NRG3: variants seen among roughly 807,000 people sequenced by gnomAD.
The protein encoded by NRG3 is pro-neuregulin-3, membrane-bound isoform.
A neutral mutation model predicts 66.9 loss-of-function variants in NRG3; 31 were observed. That is an observed-to-expected ratio of 0.46 (90% confidence interval 0.35 to 0.63). The LOEUF (loss-of-function observed/expected upper bound fraction) is 0.63. NRG3 is among the 20% of genes least tolerant of loss of function. NRG3 has a pLI of 0.00. For missense variants in NRG3, 910 were observed against 878.9 expected, an observed-to-expected ratio of 1.04 and a Z score of -0.45; for synonymous variants, 393 against 359.4, an observed-to-expected ratio of 1.09 and a Z score of -1.06.
intron 2 of NRG3, among the ~76,000 whole-genome samples, chr10:82,493,638 A>G (rs547316752): frequency 3.3e-5 from 5 of 152,192 alleles, no homozygotes; most frequent in Non-Finnish European, 5.9e-5. Flanking sequence ...TCCTCTAGGT[A>G]TATACCTAGA....
At chr10:82,864,162 GA>G (rs549226653) in intron 3 of NRG3, among the ~76,000 whole-genome samples, 3 of 151,654 alleles carry the variant, frequency 2.0e-5, no homozygotes, top group African/African-American at 7.3e-5. Flanking sequence ...GAAGAATTTG[GA>G]AAAAAGGGGT....
intron 1 of NRG3, among the ~76,000 whole-genome samples, chr10:81,929,926 AC>A (rs1180768931): frequency 2.0e-5 from 3 of 152,076 alleles, no homozygotes; most frequent in Admixed American, 6.5e-5. Context: ...CATAAAAGAA[AC>A]CTCGGTAATC....
chr10:81,983,195 A>G (rs542222349), intron 1 of NRG3, among the ~76,000 whole-genome samples: 1 of 152,232 alleles, frequency 6.6e-6, no homozygotes, highest in Non-Finnish European at 1.5e-5. Context: ...GAAATAAATG[A>G]ACATAGAGTC....
intron 2 of NRG3, among the ~76,000 whole-genome samples, chr10:82,656,308 C>CTTTTT (rs3040205): frequency 1.5e-5 from 2 of 132,036 alleles, no homozygotes; most frequent in African/African-American, 2.8e-5. Flanking sequence ...TTTCTTTTTT[C>CTTTTT]TTTTTTTTTT....
At chr10:82,377,785 C>G (rs2085348146) in intron 2 of NRG3, among the ~76,000 whole-genome samples, 1 of 152,160 alleles carries the variant, frequency 6.6e-6, no homozygotes, top group Non-Finnish European at 1.5e-5. Context: ...CTGCTTTGGG[C>G]TTTTGAGGGT....
intron 2 of NRG3, among the ~76,000 whole-genome samples, chr10:82,406,392 A>G (rs1018321350): frequency 6.6e-6 from 1 of 152,198 alleles, no homozygotes; most frequent in Non-Finnish European, 1.5e-5. Context: ...CAGGTAGGCC[A>G]TTAGACAAAC....
chr10:82,051,357 G>A (rs1223746086), intron 1 of NRG3, among the ~76,000 whole-genome samples: 1 of 152,062 alleles, frequency 6.6e-6, no homozygotes, highest in Non-Finnish European at 1.5e-5. Context: ...GGACCTCCAT[G>A]GGCCTTCACT....
intron 1 of NRG3, among the ~76,000 whole-genome samples, chr10:81,996,477 T>C: frequency 6.6e-6 from 1 of 152,214 alleles, no homozygotes; most frequent in East Asian, 1.9e-4. Flanking sequence ...CAATGCAATA[T>C]GATATAATGG....
chr10:82,770,747 G>A (rs1294759019), intron 3 of NRG3, among the ~76,000 whole-genome samples: 1 of 152,190 alleles, frequency 6.6e-6, no homozygotes, highest in African/African-American at 2.4e-5. Context: ...TGAGATTGGA[G>A]ATAAGGGCTG....
At chr10:81,977,143 T>C (rs1470533139) in intron 1 of NRG3, among the ~76,000 whole-genome samples, 1 of 152,176 alleles carries the variant, frequency 6.6e-6, no homozygotes, top group Non-Finnish European at 1.5e-5. Context: ...ATTTGGAAGA[T>C]TGCACACTTG....
chr10:82,221,258 CA>C (rs1338957928), intron 1 of NRG3, among the ~76,000 whole-genome samples: 2 of 140,962 alleles, frequency 1.4e-5, no homozygotes, highest in Admixed American at 1.4e-4. Flanking sequence ...ATTGGCAAGA[CA>C]GAGAAAGAGG....
At chr10:82,048,926 C>T (rs936352982) in intron 1 of NRG3, among the ~76,000 whole-genome samples, 2 of 152,052 alleles carry the variant, frequency 1.3e-5, no homozygotes, top group South Asian at 2.1e-4. Context: ...ATATCACCAG[C>T]GATCCCACAG....
chr10:82,272,523 A>C (rs1468403226), intron 1 of NRG3, among the ~76,000 whole-genome samples: 4 of 152,150 alleles, frequency 2.6e-5, no homozygotes, highest in South Asian at 2.1e-4. Context: ...CTTATAAAGA[A>C]TTTGGTGGCT....
chr10:82,891,577 T>G (rs1843149201), intron 4 of NRG3, among the ~76,000 whole-genome samples: 1 of 152,024 alleles, frequency 6.6e-6, no homozygotes, highest in African/African-American at 2.4e-5. Flanking sequence ...AAATTTCATT[T>G]TATGCTCATT....
At chr10:82,546,082 T>G (rs1398454281) in intron 2 of NRG3, among the ~76,000 whole-genome samples, 1 of 152,190 alleles carries the variant, frequency 6.6e-6, no homozygotes, top group Admixed American at 6.5e-5. Flanking sequence ...AATGTCAACT[T>G]TTAAACTTCA....
At chr10:82,881,903 A>C (rs1842334501) in intron 4 of NRG3, among the ~76,000 whole-genome samples, 1 of 152,176 alleles carries the variant, frequency 6.6e-6, no homozygotes, top group African/African-American at 2.4e-5. Flanking sequence ...CTGTGTGTCC[A>C]GAAACCCTCA....
intron 1 of NRG3, among the ~76,000 whole-genome samples, chr10:82,062,169 T>C (rs1440560235): frequency 6.6e-6 from 1 of 151,902 alleles, no homozygotes; most frequent in Middle Eastern, 3.4e-3. Context: ...ATCTCTAGAG[T>C]GTTCTTTCCC....
chr10:82,557,335 GGT>G (rs2044715775), intron 2 of NRG3, among the ~76,000 whole-genome samples: 1 of 152,104 alleles, frequency 6.6e-6, no homozygotes, highest in South Asian at 2.1e-4. Flanking sequence ...CATTCTGACT[GGT>G]GTGAGATGGT....
chr10:82,083,193 C>T, intron 1 of NRG3, among the ~76,000 whole-genome samples: 1 of 151,980 alleles, frequency 6.6e-6, no homozygotes, highest in Non-Finnish European at 1.5e-5. Flanking sequence ...TTCCTGGACA[C>T]CAGTCTTTGA....
Sources: gnomAD v4.1 joint callset for allele counts (sites outside exome capture counted in the v4.1 genomes callset) on GRCh38, gnomAD v4.1.1 for gene constraint, MANE v1.5 for transcripts, NCBI Gene and HGNC (gene_info 2026-07-23, HGNC 2026-07-21) for gene names.